ERCC8: variants seen among roughly 807,000 people sequenced by gnomAD.
ERCC8 encodes DNA excision repair protein ERCC-8.
Under a neutral mutation model 54.9 loss-of-function variants are expected in ERCC8, and 52 were observed. The ratio of observed to expected loss-of-function variants is 0.95; its 90% CI spans 0.76 to 1.19. ERCC8 has a LOEUF of 1.19. ERCC8 is among the 50% of genes most tolerant of loss of function. The pLI is 0.00. For missense variants in ERCC8, 514 were observed against 466.1 expected (o/e 1.10, Z -0.95); for synonymous variants, 146 against 157.2 (o/e 0.93, Z 0.53).
chr5:60,913,703 C>A (rs1749342211), intron 4 of ERCC8, among the ~76,000 whole-genome samples: 9 of 152,218 alleles, frequency 5.9e-5, no homozygotes, highest in Middle Eastern at 3.4e-3. Flanking sequence ...GATTTTAGAT[C>A]TTTCCTGCTT....
At position 60,874,473 on chromosome 5, in the gene ERCC8, T is replaced by C. The variant is rs934359489; in HGVS notation, c.*142A>G. The C allele has an allele frequency of 1.4e-6, 1 of 721,190 alleles. No homozygotes were observed. The highest frequency in any genetic ancestry group is 2.7e-5 in the East Asian group (1 of 36,722). 44.7% of individuals were successfully genotyped at this position (721,190 alleles called of 1,614,324 possible). A position where few individuals can be genotyped will look rare whatever the true frequency, so the allele number is the denominator to read the frequency against. On this transcript the variant is annotated 3_prime_UTR_variant, in exon 12 of 12. Coordinates refer to ENST00000676185, the MANE Select transcript of ERCC8 (RefSeq NM_000082.4). ...TCTGTTTTAGGATTTTATGCAAATA[T>C]TAACCTCATTTTAAAACATGAGGAA...
intron 4 of ERCC8, among the ~76,000 whole-genome samples, chr5:60,915,002 A>C (rs75465660): frequency 0.024 from 3,663 of 151,690 alleles, 63 homozygotes; most frequent in Non-Finnish European, 0.037. Flanking sequence ...TTGATTTAGG[A>C]TTTTTGTTAT....
chr5:60,875,931 C>A (rs932715169), intron 11 of ERCC8, among the ~76,000 whole-genome samples: 2 of 151,616 alleles, frequency 1.3e-5, no homozygotes, highest in African/African-American at 2.4e-5. Flanking sequence ...GGTACATGTG[C>A]ACAACGTGCA....
At position 60,869,716 on chromosome 5, in the gene ERCC8, A is replaced by AT. The variant is rs1490785498; in HGVS notation, c.*4898dup. Among the ~76,000 whole-genome samples the AT allele has an allele frequency of 6.6e-6, 1 of 152,180 alleles. No homozygotes were observed. The highest frequency in any genetic ancestry group is 6.5e-5 in the Admixed American group (1 of 15,276). On this transcript the variant is annotated 3_prime_UTR_variant, in exon 12 of 12. Coordinates refer to ENST00000676185, the MANE Select transcript of ERCC8 (RefSeq NM_000082.4). Reference sequence around the variant, plus strand: ...TTTTTAGGCTTCTGGTTAAAAATAGATTTATGGCTATGTTAATAAAATGTG... The same window carrying AT: ...TTTTTAGGCTTCTGGTTAAAAATAGATTTTATGGCTATGTTAATAAAATGTG...
chr5:60,892,447 G>C, intron 9 of ERCC8: 1 of 559,838 alleles, frequency 1.8e-6, no homozygotes, highest in Non-Finnish European at 3.6e-6. Context: ...AGATGGGCAG[G>C]CAGAGTGTGA....
intron 4 of ERCC8, among the ~76,000 whole-genome samples, chr5:60,913,642 ATTTG>A (rs1414658502): frequency 1.3e-5 from 2 of 151,924 alleles, no homozygotes; most frequent in Admixed American, 1.3e-4. Context: ...TAACTTTTGA[ATTTG>A]TTTGCTCTTG....
intron 11 of ERCC8, among the ~76,000 whole-genome samples, chr5:60,877,291 T>C (rs988223475): frequency 6.6e-6 from 1 of 152,220 alleles, no homozygotes; most frequent in African/African-American, 2.4e-5. Flanking sequence ...AGCCTTGTAG[T>C]ATAGTTTGAA....
intron 2 of ERCC8, among the ~76,000 whole-genome samples, chr5:60,926,712 G>A (rs933003122): frequency 2.6e-5 from 4 of 152,200 alleles, no homozygotes; most frequent in African/African-American, 9.6e-5. Context: ...ACACAGTTGT[G>A]AGTTACATGT....
intron 1 of ERCC8, among the ~76,000 whole-genome samples, chr5:60,942,373 T>C (rs1343842366): frequency 2.8e-4 from 43 of 152,098 alleles, no homozygotes; most frequent in Admixed American, 2.8e-3. Flanking sequence ...CAGCTGTAAA[T>C]GTATTAGTCC....
intron 1 of ERCC8, among the ~76,000 whole-genome samples, chr5:60,933,768 C>T (rs1749983011): frequency 6.6e-6 from 1 of 152,160 alleles, no homozygotes; most frequent in Non-Finnish European, 1.5e-5. Context: ...CTGTATCATT[C>T]TTATGCCTTT....
At chr5:60,875,677 T>C (rs191891344) in intron 11 of ERCC8, among the ~76,000 whole-genome samples, 1 of 152,194 alleles carries the variant, frequency 6.6e-6, no homozygotes, top group African/African-American at 2.4e-5. Context: ...TTAGATTTAT[T>C]GCCTTTTATA....
At chr5:60,879,858 C>A (rs1473677528) in intron 11 of ERCC8, among the ~76,000 whole-genome samples, 4 of 152,186 alleles carry the variant, frequency 2.6e-5, no homozygotes, top group Admixed American at 6.5e-5. Flanking sequence ...GCAGTTAGCC[C>A]ATTTACATTT....
rs1269955303 is a variant in ERCC8 at position 60,874,628 on chromosome 5, TCA to T, written c.1176_1177del (p.Ser392ArgfsTer2). ...TAAAGATGATATTCATCCTTCTTCA[TCA>T]CTGCTGCTCCAGGCATCTTCAAAGG... On this transcript the variant is annotated frameshift_variant, in exon 12 of 12. Transcript: ENST00000676185. LOFTEE classifies it high-confidence loss of function. 1 of 1,613,372 alleles carries T rather than the reference TCA, an allele frequency of 6.2e-7. No homozygotes were observed. Among genetic ancestry groups the T allele is most frequent in the Non-Finnish European group, 8.5e-7 (1 of 1,179,816 alleles).
intron 2 of ERCC8, among the ~76,000 whole-genome samples, chr5:60,923,048 G>A (rs1048602829): frequency 1.3e-5 from 2 of 151,794 alleles, no homozygotes; most frequent in African/African-American, 4.8e-5. Context: ...CTGGAGCAGT[G>A]TGGAAGGGAA....
At chr5:60,938,036 CATACATACATACATATATATAT>C (rs1232280983) in intron 1 of ERCC8, among the ~76,000 whole-genome samples, 2 of 14,998 alleles carry the variant, frequency 1.3e-4, no homozygotes, top group South Asian at 3.6e-3. Flanking sequence ...TACATACATA[CATACATACATACATATATATAT>C]ATATATATAT....
chr5:60,934,400 C>A (rs753378067), intron 1 of ERCC8, among the ~76,000 whole-genome samples: 7 of 152,096 alleles, frequency 4.6e-5, no homozygotes, highest in Non-Finnish European at 1.0e-4. Context: ...AACTGTCTAT[C>A]CATGTCAGCC....
intron 5 of ERCC8, 97 bp from the exon 6 acceptor site, chr5:60,903,813 T>G (rs923628116): frequency 8.2e-7 from 1 of 1,214,806 alleles, no homozygotes; most frequent in Non-Finnish European, 1.2e-6. Flanking sequence ...TTTCACTGTA[T>G]CCATGCAGAA....
intron 7 of ERCC8, among the ~76,000 whole-genome samples, chr5:60,902,236 C>T (rs899680944): frequency 2.0e-5 from 3 of 152,028 alleles, no homozygotes; most frequent in African/African-American, 7.2e-5. Context: ...TAAGGTGAAA[C>T]ACCTTGAAGG....
At position 60,874,685 on chromosome 5, in the gene ERCC8, TAAAA is replaced by T; in HGVS notation, c.1123-6_1123-3del. 2 of 1,332,956 alleles carry T rather than the reference TAAAA, an allele frequency of 1.5e-6. No homozygotes were observed. Among genetic ancestry groups the T allele is most frequent in the East Asian group, 2.6e-5 (1 of 38,648 alleles). 82.6% of individuals were successfully genotyped at this position (1,332,956 alleles called of 1,614,324 possible). A position where few individuals can be genotyped will look rare whatever the true frequency, so the allele number is the denominator to read the frequency against. Reference sequence around the variant, plus strand: ...ATTTAATTGTGATTTTGTTGTAGTCTAAAAAAAAAAAAGATAAAGAAAAAGGAAG... The same window carrying T: ...ATTTAATTGTGATTTTGTTGTAGTCTAAAAAAAAGATAAAGAAAAAGGAAG... On this transcript the variant is annotated splice_polypyrimidine_tract_variant and splice_region_variant and intron_variant, in intron 11 of 11. Coordinates refer to ENST00000676185, the MANE Select transcript of ERCC8 (RefSeq NM_000082.4).
Sources: gnomAD v4.1 joint callset for allele counts (sites outside exome capture counted in the v4.1 genomes callset) on GRCh38, gnomAD v4.1.1 for gene constraint, MANE v1.5 for transcripts, NCBI Gene and HGNC (gene_info 2026-07-23, HGNC 2026-07-21) for gene names.